WDR70: variants seen among roughly 807,000 people sequenced by gnomAD.
WDR70 encodes WD repeat-containing protein 70.
Under a neutral mutation model 88.6 loss-of-function variants are expected in WDR70, and 53 were observed. The observed-to-expected ratio is 0.60, with a 90% confidence interval of 0.48 to 0.75. The LOEUF (loss-of-function observed/expected upper bound fraction) is 0.75. WDR70 is among the 30% of genes least tolerant of loss of function. The pLI, the probability that WDR70 is intolerant of heterozygous loss-of-function variation, is 0.00. For missense variants in WDR70, 610 were observed against 823.2 expected, an observed-to-expected ratio of 0.74 and a Z score of 3.17; for synonymous variants, 280 against 270.0, an observed-to-expected ratio of 1.04 and a Z score of -0.36.
intron 8 of WDR70, among the ~76,000 whole-genome samples, chr5:37,491,502 A>C (rs548805423): frequency 2.6e-5 from 4 of 152,226 alleles, no homozygotes; most frequent in Non-Finnish European, 4.4e-5. Context: ...AAATTACATG[A>C]CTAAGGTGGA....
chr5:37,652,076 G>A (rs1581466780), intron 10 of WDR70, among the ~76,000 whole-genome samples: 2 of 152,144 alleles, frequency 1.3e-5, no homozygotes, highest in South Asian at 4.1e-4. Flanking sequence ...ATGGTTTTAG[G>A]TCTTACAAGT....
chr5:37,564,562 A>AGAGGGAGAGGGAGAGGAGGGAGAG (rs1742678230), intron 9 of WDR70, among the ~76,000 whole-genome samples: 1 of 139,244 alleles, frequency 7.2e-6, no homozygotes, highest in Non-Finnish European at 1.6e-5. Flanking sequence ...GACCGTGGGG[A>AGAGGGAGAGGGAGAGGAGGGAGAG]GAGGGAGAGG....
intron 9 of WDR70, among the ~76,000 whole-genome samples, chr5:37,550,107 C>T (rs1409859675): frequency 6.6e-6 from 1 of 152,168 alleles, no homozygotes; most frequent in East Asian, 1.9e-4. Context: ...TCAAGGCATC[C>T]ATCTGCCATG....
intron 10 of WDR70, among the ~76,000 whole-genome samples, chr5:37,610,514 C>A (rs946549996): frequency 2.6e-5 from 4 of 151,826 alleles, no homozygotes; most frequent in Admixed American, 2.0e-4. Context: ...CCATCTCTAT[C>A]CCTTGATGCT....
chr5:37,687,825 C>A (rs2112630110), intron 10 of WDR70: 2 of 512,440 alleles, frequency 3.9e-6, no homozygotes, highest in South Asian at 3.3e-5. Flanking sequence ...ACCTTAGAAT[C>A]CCACTCAGGG....
At chr5:37,577,717 A>G (rs1425636285) in intron 9 of WDR70, among the ~76,000 whole-genome samples, 1 of 151,790 alleles carries the variant, frequency 6.6e-6, no homozygotes, top group East Asian at 1.9e-4. Flanking sequence ...GTTAATGCTG[A>G]CTCTCCCCAA....
chr5:37,379,384 C>T lies in WDR70; in HGVS notation c.17C>T (p.Pro6Leu), dbSNP rs1748347374. 6.2e-7 allele frequency: 1 copy of T among 1,613,518 alleles called. No individual in the cohort carries two copies. The highest frequency in any genetic ancestry group is 1.1e-5 in the South Asian group (1 of 91,066). ...CGGCCAGCCATGGAGCGCTCTGGGCCCAGCGAAGGTGGGTTTCATGAGGCG... is the reference window on the plus strand; with the variant it reads ...CGGCCAGCCATGGAGCGCTCTGGGCTCAGCGAAGGTGGGTTTCATGAGGCG... MERSG[P>L]SEVTGSDASG... is the part of the protein sequence containing the mutation. Residue 6 changes from proline to leucine, a missense_variant, in exon 1 of 18, where the codon CCC becomes CTC. Pro to Leu is a moderately conservative substitution (Grantham distance 98). Around this residue, in one of 4 missense-constraint regions of WDR70, gnomAD observed 203 missense variants for 228.1 expected, o/e 0.89. Transcript: ENST00000265107.
At chr5:37,627,578 T>C (rs1317799843) in intron 10 of WDR70, among the ~76,000 whole-genome samples, 1 of 152,212 alleles carries the variant, frequency 6.6e-6, no homozygotes, top group African/African-American at 2.4e-5. Flanking sequence ...TAAACTTGCC[T>C]CTTAATACTG....
chr5:37,570,698 T>A (rs150425624), intron 9 of WDR70, among the ~76,000 whole-genome samples: 1 of 152,320 alleles, frequency 6.6e-6, no homozygotes, highest in Non-Finnish European at 1.5e-5. Flanking sequence ...CAATGGCTGC[T>A]ATGAGGCCAA....
intron 10 of WDR70, among the ~76,000 whole-genome samples, chr5:37,685,776 C>T (rs962398290): frequency 2.0e-5 from 3 of 152,170 alleles, no homozygotes; most frequent in African/African-American, 4.8e-5. Context: ...GTCTCTTCCT[C>T]CTGGGATTCT....
rs564429350 is a variant in WDR70, at chr5:37,483,309, C to T, written c.840+3322C>T. Among the ~76,000 whole-genome samples, 5 of 151,622 alleles carry T rather than the reference C, an allele frequency of 3.3e-5. No homozygotes were observed. In the East Asian group the frequency reaches 5.8e-4, roughly 18 times the overall value. On this transcript the variant is annotated intron_variant, in intron 8 of 17. Transcript: ENST00000265107. ...ATTAGGGAGTGGTGATGACTCTTAA[C>T]GAGCATGCTGCCTTCAAGCATCTGT...
intron 7 of WDR70, 126 bp from the exon 8 acceptor site, chr5:37,479,708 C>A: frequency 1.7e-6 from 2 of 1,148,232 alleles, no homozygotes; most frequent in Non-Finnish European, 2.5e-6. Flanking sequence ...GGTTGATGTT[C>A]CTGATTTTGT....
chr5:37,382,591 T>C (rs1748461873), intron 3 of WDR70, among the ~76,000 whole-genome samples: 1 of 152,130 alleles, frequency 6.6e-6, no homozygotes, highest in African/African-American at 2.4e-5. Flanking sequence ...TTTGTATTTT[T>C]AGTAGAGATG....
chr5:37,475,067 C>T (rs928981224), intron 7 of WDR70, among the ~76,000 whole-genome samples: 13 of 151,706 alleles, frequency 8.6e-5, no homozygotes, highest in Middle Eastern at 6.3e-3. Flanking sequence ...TACAAGCGTG[C>T]GCTACCACGC....
At chr5:37,537,535 C>T (rs1741701290) in intron 9 of WDR70, among the ~76,000 whole-genome samples, 1 of 152,136 alleles carries the variant, frequency 6.6e-6, no homozygotes, top group African/African-American at 2.4e-5. Context: ...CCTTGGAGAT[C>T]AAAAGCTTCC....
chr5:37,427,313 C>T (rs1043233399), intron 5 of WDR70, among the ~76,000 whole-genome samples: 10 of 151,610 alleles, frequency 6.6e-5, no homozygotes, highest in East Asian at 2.0e-4. Flanking sequence ...GGCATGAACC[C>T]GGGAGGCGGA....
chr5:37,415,685 C>G (rs1215302037), intron 5 of WDR70, among the ~76,000 whole-genome samples: 2 of 150,736 alleles, frequency 1.3e-5, no homozygotes, highest in Non-Finnish European at 3.0e-5. Context: ...CTCCCTCCCG[C>G]CGGGCGGAGG....
At chr5:37,520,523 A>G (rs1055569659) in intron 9 of WDR70, among the ~76,000 whole-genome samples, 2 of 152,050 alleles carry the variant, frequency 1.3e-5, no homozygotes, top group Non-Finnish European at 2.9e-5. Flanking sequence ...GTTTGTTTAA[A>G]GTTATGTTTC....
At chr5:37,557,395 T>A (rs2112363184) in intron 9 of WDR70, among the ~76,000 whole-genome samples, 1 of 152,284 alleles carries the variant, frequency 6.6e-6, no homozygotes, top group Middle Eastern at 3.4e-3. Flanking sequence ...TACTAGAGAC[T>A]TTGTGGAGAC....
Sources: gnomAD v4.1 joint callset for allele counts (sites outside exome capture counted in the v4.1 genomes callset) on GRCh38, gnomAD v4.1.1 for gene constraint, gnomAD v4.1.1 regional missense constraint, MANE v1.5 for transcripts, NCBI Gene and HGNC (gene_info 2026-07-23, HGNC 2026-07-21) for gene names.